HHAT: variants seen among roughly 807,000 people sequenced by gnomAD.
HHAT encodes the protein hedgehog acyltransferase, also known as protein-cysteine N-palmitoyltransferase HHAT.
HHAT carries 47 observed loss-of-function variants against 70.8 expected under a neutral mutation model. The observed-to-expected ratio is 0.66, with a 90% CI of 0.53 to 0.85. The LOEUF (loss-of-function observed/expected upper bound fraction) is 0.85, where lower values mean the gene tolerates loss of function less well. HHAT is among the 40% of genes least tolerant of loss of function. The pLI is 0.00. For missense variants in HHAT, 609 were observed against 604.8 expected (o/e 1.01, Z -0.07); for synonymous variants, 228 against 247.6 (o/e 0.92, Z 0.74).
chr1:210,662,401 T>C (rs1173503127), intron 11 of HHAT, among the ~76,000 whole-genome samples: 1 of 152,214 alleles, frequency 6.6e-6, no homozygotes, highest in Non-Finnish European at 1.5e-5. Context: ...CCATCCCTGT[T>C]TCAGGAAAGT....
chr1:210,366,234 T>C (rs557525519), intron 3 of HHAT, among the ~76,000 whole-genome samples: 9 of 152,288 alleles, frequency 5.9e-5, no homozygotes, highest in Admixed American at 5.2e-4. Context: ...CTAGATTAGA[T>C]GGCTGTTGTG....
At chr1:210,615,191 T>C (rs1459895056) in intron 10 of HHAT, among the ~76,000 whole-genome samples, 5 of 152,250 alleles carry the variant, frequency 3.3e-5, no homozygotes, top group Non-Finnish European at 5.9e-5. Flanking sequence ...CCTGTGTCTT[T>C]TGGCTGCATT....
At chr1:210,489,758 C>G (rs2094523286) in intron 8 of HHAT, among the ~76,000 whole-genome samples, 1 of 152,202 alleles carries the variant, frequency 6.6e-6, no homozygotes, top group Non-Finnish European at 1.5e-5. Flanking sequence ...CTGCCCATGA[C>G]CTTCTTAAGC....
intron 9 of HHAT, among the ~76,000 whole-genome samples, chr1:210,516,607 A>C (rs1187402444): frequency 1.3e-5 from 2 of 152,194 alleles, no homozygotes; most frequent in Non-Finnish European, 2.9e-5. Context: ...CCTTTGTAAA[A>C]GAGCAAATGT....
chr1:210,639,762 C>T (rs1378352720), intron 11 of HHAT, among the ~76,000 whole-genome samples: 1 of 152,180 alleles, frequency 6.6e-6, no homozygotes, highest in East Asian at 1.9e-4. Context: ...TGAGACCGTT[C>T]CCCTTTGTGT....
chr1:210,666,573 T>C (rs561595178), intron 11 of HHAT, among the ~76,000 whole-genome samples: 1 of 152,282 alleles, frequency 6.6e-6, no homozygotes, highest in East Asian at 1.9e-4. Flanking sequence ...AACCTTTGCC[T>C]CCCGGGTTCA....
chr1:210,459,954 G>A (rs545747569), intron 7 of HHAT, among the ~76,000 whole-genome samples: 2 of 152,176 alleles, frequency 1.3e-5, no homozygotes, highest in Non-Finnish European at 2.9e-5. Flanking sequence ...GTAACTGGGC[G>A]GGATGTCCAA....
intron 3 of HHAT, among the ~76,000 whole-genome samples, chr1:210,370,885 A>G (rs1236155669): frequency 6.6e-6 from 1 of 152,174 alleles, no homozygotes; most frequent in Non-Finnish European, 1.5e-5. Context: ...AAGTGCTGGG[A>G]TTACAGGCAT....
intron 7 of HHAT, among the ~76,000 whole-genome samples, chr1:210,456,943 G>A (rs2093882089): frequency 1.3e-5 from 2 of 152,156 alleles, no homozygotes; most frequent in Non-Finnish European, 2.9e-5. Context: ...GGAGTATGTG[G>A]CAGCTGTTCC....
At chr1:210,649,855 C>T (rs779920608) in intron 11 of HHAT, among the ~76,000 whole-genome samples, 1 of 152,210 alleles carries the variant, frequency 6.6e-6, no homozygotes, top group Non-Finnish European at 1.5e-5. Context: ...AATAAAACCA[C>T]AAGGCACTTA....
chr1:210,428,346 A>ATATATATATATAT (rs2093139887), intron 7 of HHAT, among the ~76,000 whole-genome samples: 1 of 96,146 alleles, frequency 1.0e-5, no homozygotes, highest in Non-Finnish European at 2.1e-5. Context: ...ATATATATAT[A>ATATATATATATAT]ATTTTGTAGT....
At chr1:210,353,454 TAAAA>T (rs370676908) in intron 2 of HHAT, among the ~76,000 whole-genome samples, 2 of 54,240 alleles carry the variant, frequency 3.7e-5, no homozygotes, top group Non-Finnish European at 9.7e-5. Context: ...TTTTTTTTTT[TAAAA>T]AAAAGCACCT....
intron 3 of HHAT, among the ~76,000 whole-genome samples, chr1:210,365,037 A>G (rs1471749400): frequency 1.3e-5 from 2 of 152,082 alleles, no homozygotes; most frequent in Non-Finnish European, 2.9e-5. Flanking sequence ...GAGCCCTAGA[A>G]TTTACGGAGG....
intron 9 of HHAT, among the ~76,000 whole-genome samples, chr1:210,535,586 T>G (rs1307327642): frequency 6.6e-6 from 1 of 152,114 alleles, no homozygotes; most frequent in Non-Finnish European, 1.5e-5. Flanking sequence ...CAAACAGCTC[T>G]GTTCACACAT....
At chr1:210,667,215 T>C (rs530043482) in intron 11 of HHAT, among the ~76,000 whole-genome samples, 1 of 152,172 alleles carries the variant, frequency 6.6e-6, no homozygotes, top group Admixed American at 6.5e-5. Context: ...AAACTCTGTC[T>C]CTACTAAAAA....
At chr1:210,373,155 A>AG (rs2089728121) in intron 3 of HHAT, among the ~76,000 whole-genome samples, 2 of 152,148 alleles carry the variant, frequency 1.3e-5, no homozygotes, top group Admixed American at 1.3e-4. Context: ...GGTGGATTAA[A>AG]GTTAATTTAC....
intron 9 of HHAT, among the ~76,000 whole-genome samples, chr1:210,586,910 A>C (rs997489070): frequency 6.6e-6 from 1 of 152,206 alleles, no homozygotes; most frequent in East Asian, 1.9e-4. Flanking sequence ...AATGGAGAAC[A>C]TACCCAGGGG....
At chr1:210,332,153 A>C (rs1388662378) in intron 1 of HHAT, among the ~76,000 whole-genome samples, 1 of 152,198 alleles carries the variant, frequency 6.6e-6, no homozygotes, top group Non-Finnish European at 1.5e-5. Context: ...CAGTGCATAG[A>C]CTCACATTCA....
intron 4 of HHAT, among the ~76,000 whole-genome samples, chr1:210,398,289 G>C (rs2091901266): frequency 2.0e-5 from 3 of 152,170 alleles, no homozygotes; most frequent in African/African-American, 7.2e-5. Flanking sequence ...GTATATAGTA[G>C]AGTTGCTTGT....
Sources: allele counts gnomAD v4.1 joint callset (sites outside exome capture counted in the v4.1 genomes callset), GRCh38; gene constraint gnomAD v4.1.1; transcripts MANE v1.5; gene names NCBI Gene and HGNC (gene_info 2026-07-23, HGNC 2026-07-21).